Variants in TRANK1 observed in about 807,000 individuals in gnomAD.
TRANK1 encodes TPR and ankyrin repeat-containing protein 1.
A neutral mutation model predicts 266.0 loss-of-function variants in TRANK1; 198 were observed. The ratio of observed to expected loss-of-function variants is 0.74; its 90% CI spans 0.66 to 0.84. TRANK1 has a LOEUF of 0.84. Among genes scored for constraint, TRANK1 ranks in the 40% least tolerant of loss-of-function variants. The pLI, the probability that TRANK1 is intolerant of heterozygous loss-of-function variation, is 0.00. For synonymous variants in TRANK1, 1,396 were observed against 1,384.1 expected, an observed-to-expected ratio of 1.01 and a Z score of -0.19; for missense variants, 3,326 against 3,634.6, an observed-to-expected ratio of 0.92 and a Z score of 2.18.
intron 9 of TRANK1, among the ~76,000 whole-genome samples, chr3:36,873,766 T>C (rs187520812): frequency 6.6e-6 from 1 of 152,062 alleles, no homozygotes; most frequent in East Asian, 1.9e-4. Context: ...TTTTAAATTG[T>C]TGGCCATAAT....
intron 1 of TRANK1, among the ~76,000 whole-genome samples, chr3:36,937,551 A>G (rs6777217): frequency 0.5 from 76,035 of 152,082 alleles, 19,591 homozygotes; most frequent in Non-Finnish European, 0.56. Flanking sequence ...AAGAGTAAAG[A>G]TTATTGGGAA....
chr3:36,874,132 G>A lies in TRANK1; in HGVS notation c.1072C>T (p.Leu358=). 1 of 1,536,660 alleles carries A rather than the reference G, an allele frequency of 6.5e-7. No homozygotes were observed. Reference sequence around the variant, plus strand: ...AATACACTGGAAGCTGTACCTGATAGGTCCTTAGAACACGTAGCTAGCTTT... The same window carrying A: ...AATACACTGGAAGCTGTACCTGATAAGTCCTTAGAACACGTAGCTAGCTTT... ...LEKLATCSKD[L]SGFSNGDGPT... Residue 358 remains leucine, a synonymous_variant, in exon 9 of 24, where the codon CTA becomes TTA. Coordinates refer to ENST00000645898, the MANE Select transcript of TRANK1 (RefSeq NM_001329998.2).
intron 8 of TRANK1, among the ~76,000 whole-genome samples, chr3:36,879,155 A>C (rs1006106816): frequency 2.3e-5 from 3 of 131,972 alleles, no homozygotes; most frequent in Non-Finnish European, 3.6e-5. Flanking sequence ...GCAATTGTTT[A>C]AAAAAAAAAA....
At chr3:36,870,962 T>TAAAAAAAAAAAAAAAAAAAAAAAAC (rs2079299255) in intron 9 of TRANK1, among the ~76,000 whole-genome samples, 2 of 65,102 alleles carry the variant, frequency 3.1e-5, no homozygotes, top group Non-Finnish European at 5.9e-5. Context: ...ACAAGGAAAC[T>TAAAAAAAAAAAAAAAAAAAAAAAAC]AAAAAAAAAA....
chr3:36,855,165 G>C lies in TRANK1; in HGVS notation c.4549+8C>G. The C allele has an allele frequency of 6.2e-7, 1 of 1,602,960 alleles. No homozygotes were observed. Among genetic ancestry groups the C allele is most frequent in the Non-Finnish European group, 8.5e-7 (1 of 1,172,466 alleles). On this transcript the variant is annotated splice_region_variant and intron_variant, in intron 13 of 23. Coordinates refer to ENST00000645898, the MANE Select transcript of TRANK1 (RefSeq NM_001329998.2). ...CCCCCAGTAGGCAAACCCAAGAGCT[G>C]GACTTACCTGAGTGGGACCTGTAAT...
intron 2 of TRANK1, among the ~76,000 whole-genome samples, chr3:36,904,124 T>G (rs1381598798): frequency 6.6e-6 from 1 of 151,762 alleles, no homozygotes; most frequent in Non-Finnish European, 1.5e-5. Context: ...CCCGGCTAAT[T>G]TTTGTATTTC....
At chr3:36,922,269 C>G (rs962522281) in intron 1 of TRANK1, among the ~76,000 whole-genome samples, 1 of 152,220 alleles carries the variant, frequency 6.6e-6, no homozygotes, top group Non-Finnish European at 1.5e-5. Flanking sequence ...GTGGTAACCA[C>G]ACATGGCTAT....
At chr3:36,925,953 T>C (rs2080282766) in intron 1 of TRANK1, among the ~76,000 whole-genome samples, 1 of 152,218 alleles carries the variant, frequency 6.6e-6, no homozygotes, top group Non-Finnish European at 1.5e-5. Flanking sequence ...ACTCTCCAAC[T>C]ACCTCTCTTA....
intron 18 of TRANK1, among the ~76,000 whole-genome samples, chr3:36,839,063 C>T (rs1370862430): frequency 6.6e-6 from 1 of 152,188 alleles, no homozygotes; most frequent in African/African-American, 2.4e-5. Context: ...CAGGTCAGAG[C>T]CATGGAGCAA....
chr3:36,838,034 G>C (rs1393337958), intron 20 of TRANK1, among the ~76,000 whole-genome samples: 1 of 152,198 alleles, frequency 6.6e-6, no homozygotes, highest in Non-Finnish European at 1.5e-5. Flanking sequence ...GGTGACTGAA[G>C]ACTAGGAACA....
At chr3:36,932,323 C>G (rs1398950353) in intron 1 of TRANK1, among the ~76,000 whole-genome samples, 1 of 152,188 alleles carries the variant, frequency 6.6e-6, no homozygotes, top group Admixed American at 6.5e-5. Context: ...GTAATCCCAG[C>G]ACTTTGGGAG....
chr3:36,885,479 G>A (rs890325689), intron 8 of TRANK1, among the ~76,000 whole-genome samples: 6 of 152,216 alleles, frequency 3.9e-5, no homozygotes, highest in African/African-American at 7.2e-5. Flanking sequence ...AATGCAATGT[G>A]GGATCCTGGA....
intron 1 of TRANK1, among the ~76,000 whole-genome samples, chr3:36,917,818 C>G (rs1385669448): frequency 5.9e-5 from 9 of 152,000 alleles, no homozygotes; most frequent in Admixed American, 2.6e-4. Flanking sequence ...GCACAAAGCA[C>G]AGATATACAT....
intron 1 of TRANK1, among the ~76,000 whole-genome samples, chr3:36,920,280 A>C (rs2080196747): frequency 6.6e-6 from 1 of 152,152 alleles, no homozygotes; most frequent in South Asian, 2.1e-4. Flanking sequence ...CTGACACTCT[A>C]CCCATTTGGC....
At chr3:36,884,468 C>T (rs766023054) in intron 8 of TRANK1, among the ~76,000 whole-genome samples, 4 of 152,134 alleles carry the variant, frequency 2.6e-5, no homozygotes, top group African/African-American at 4.8e-5. Flanking sequence ...AACACAGGAG[C>T]CAGTCTGAAG....
Position 36,858,856 on chromosome 3 carries a change from C to T in TRANK1, c.1534G>A (p.Val512Ile). The change falls in exon 12 of 24, where the codon GTT becomes ATT. Residue 512 changes from valine (V) to isoleucine (I), a missense_variant. Transcript: ENST00000645898. Reference protein sequence around the residue: ...DGLQESQERPVVTCLKHEDFE... With the variant: ...DGLQESQERPIVTCLKHEDFE... ...TCCTCATGTTTCAGGCACGTGACAACTGGCCTCTCCTGGCTCTCCTGAAGA... is the reference window on the plus strand; with the variant it reads ...TCCTCATGTTTCAGGCACGTGACAATTGGCCTCTCCTGGCTCTCCTGAAGA... The T allele has an allele frequency of 1.3e-6, 2 of 1,537,038 alleles. No homozygotes were observed. The highest frequency in any genetic ancestry group is 1.7e-6 in the Non-Finnish European group (2 of 1,146,752).
rs1310124191 is a variant in TRANK1, at chr3:36,944,907, CCGGAGCCCGGGGCAGGGG to C, written c.-116_-99del. 1 of 1,269,694 alleles carries C rather than the reference CCGGAGCCCGGGGCAGGGG, an allele frequency of 7.9e-7. No individual in the cohort carries two copies. Among genetic ancestry groups the C allele is most frequent in the Non-Finnish European group, 1.0e-6 (1 of 984,372 alleles). The allele number at this position is 1,269,694 out of a possible 1,614,324, so 78.7% of individuals were successfully genotyped here. A position where few individuals can be genotyped will look rare whatever the true frequency, so the allele number is the denominator to read the frequency against. The stretch of plus-strand genomic sequence containing the variant: ...GGGCAGTGCGGAAGCCCGAAAGCTA[CCGGAGCCCGGGGCAGGGG>C]CGGCGCGATGCAGAGGCGGCGTTCG... On this transcript the variant is annotated 5_prime_UTR_variant, in exon 1 of 24. Transcript: ENST00000645898.
chr3:36,838,021 C>T (rs1337903856), intron 20 of TRANK1, among the ~76,000 whole-genome samples: 1 of 152,134 alleles, frequency 6.6e-6, no homozygotes, highest in Non-Finnish European at 1.5e-5. Context: ...GCCACTCAGC[C>T]AAGGTGACTG....
At chr3:36,915,394 T>G (rs963049460) in intron 1 of TRANK1, among the ~76,000 whole-genome samples, 13 of 152,386 alleles carry the variant, frequency 8.5e-5, no homozygotes, top group African/African-American at 2.9e-4. Flanking sequence ...GTGTTGGGAA[T>G]GTTCAATATC....
Sources: allele counts gnomAD v4.1 joint callset (sites outside exome capture counted in the v4.1 genomes callset), GRCh38; gene constraint gnomAD v4.1.1; transcripts MANE v1.5; gene names NCBI Gene and HGNC (gene_info 2026-07-23, HGNC 2026-07-21).